ROBO2: variants seen among roughly 807,000 people sequenced by gnomAD.
ROBO2 encodes the protein roundabout guidance receptor 2.
Under a neutral mutation model 160.8 loss-of-function variants are expected in ROBO2, and 53 were observed. The observed-to-expected ratio is 0.33, with a 90% CI of 0.26 to 0.41. The LOEUF (loss-of-function observed/expected upper bound fraction) is 0.41. ROBO2 is among the 10% of genes least tolerant of loss of function. The pLI is 1.00. For missense variants in ROBO2, 1,577 were observed against 1,722.4 expected (o/e 0.92, Z 1.49); for synonymous variants, 664 against 611.7 (o/e 1.09, Z -1.26).
chr3:77,229,692 C>T lies in ROBO2; in HGVS notation c.388+131352C>T, dbSNP rs190417322. Among the ~76,000 whole-genome samples the T allele has an allele frequency of 5.2e-3, 784 of 151,138 alleles. 5 individuals are homozygous for T. The highest frequency in any genetic ancestry group is 7.5e-3 in the Non-Finnish European group (510 of 67,786). ...AAAAAAAAAAAAGAGAGAGAATGGA[C>T]CAAATTGGACTAGCTCATCATGGTG... On this transcript the variant is annotated intron_variant, in intron 2 of 25. Coordinates refer to ENST00000461745, the Ensembl canonical transcript of ROBO2.
At chr3:76,603,332 C>CAAAAAAAAAAAA (rs61547121) in intron 2 of ROBO2, among the ~76,000 whole-genome samples, 11 of 66,508 alleles carry the variant, frequency 1.7e-4, no homozygotes, top group African/African-American at 3.3e-4. Flanking sequence ...ACTCCATCTC[C>CAAAAAAAAAAAA]AAAAAAAAAA....
rs919388442 is a variant in ROBO2, at chr3:77,479,256, G to T, written c.546+1685G>T. Among the ~76,000 whole-genome samples, 7 of 152,176 alleles carry T rather than the reference G, an allele frequency of 4.6e-5. No individual in the cohort carries two copies. In the South Asian group the frequency reaches 1.5e-3, roughly 32 times the overall value. On this transcript the variant is annotated intron_variant, in intron 3 of 25. Transcript: ENST00000461745. ...ATAAAGTCTCAGATAACAACCCCAAGAAGAATAGTTGAACAGTCTGTCCAG... is the reference window on the plus strand; with the variant it reads ...ATAAAGTCTCAGATAACAACCCCAATAAGAATAGTTGAACAGTCTGTCCAG...
chr3:76,552,552 A>G (rs2083479912), intron 2 of ROBO2, among the ~76,000 whole-genome samples: 2 of 152,238 alleles, frequency 1.3e-5, no homozygotes, highest in African/African-American at 4.8e-5. Context: ...ACAACTAATT[A>G]TTAAACAACT....
chr3:76,868,505 A>G (rs1035974258), intron 2 of ROBO2, among the ~76,000 whole-genome samples: 3 of 152,232 alleles, frequency 2.0e-5, no homozygotes, highest in Non-Finnish European at 4.4e-5. Context: ...ATAAATCACA[A>G]CGTTCTATGT....
intron 2 of ROBO2, among the ~76,000 whole-genome samples, chr3:76,128,451 A>G (rs990627488): frequency 6.6e-6 from 1 of 152,162 alleles, no homozygotes; most frequent in Non-Finnish European, 1.5e-5. Context: ...ATATTAATTT[A>G]TAGTAACTGT....
At chr3:77,430,659 A>G (rs983520317) in intron 2 of ROBO2, among the ~76,000 whole-genome samples, 2 of 151,976 alleles carry the variant, frequency 1.3e-5, no homozygotes, top group East Asian at 1.9e-4. Flanking sequence ...TCCTTCCACT[A>G]CAGGAGGGCA....
intron 25 of ROBO2, 103 bp downstream of exon 27, chr3:77,645,007 C>T: frequency 8.1e-7 from 1 of 1,230,070 alleles, no homozygotes; most frequent in Non-Finnish European, 1.2e-6. Flanking sequence ...AAAACTTGCT[C>T]TGTTACAAAA....
intron 5 of ROBO2, among the ~76,000 whole-genome samples, chr3:77,505,802 G>A (rs562224991): frequency 6.6e-6 from 1 of 152,044 alleles, no homozygotes; most frequent in Non-Finnish European, 1.5e-5. Context: ...AATCTGAGGG[G>A]CAAATATAAA....
chr3:76,321,120 C>A (rs1182242479), intron 2 of ROBO2, among the ~76,000 whole-genome samples: 1 of 152,070 alleles, frequency 6.6e-6, no homozygotes, highest in Non-Finnish European at 1.5e-5. Flanking sequence ...CAATGCATGA[C>A]CTGTAAATTA....
At chr3:76,444,039 C>T (rs980651436) in intron 2 of ROBO2, among the ~76,000 whole-genome samples, 1 of 152,218 alleles carries the variant, frequency 6.6e-6, no homozygotes. Context: ...AATCTTGGCT[C>T]ACTGCAACCT....
intron 2 of ROBO2, among the ~76,000 whole-genome samples, chr3:75,953,387 C>A (rs1241981234): frequency 6.6e-6 from 1 of 151,866 alleles, no homozygotes; most frequent in East Asian, 1.9e-4. Context: ...CCATATTTGA[C>A]AGCTGTATTT....
intron 2 of ROBO2, among the ~76,000 whole-genome samples, chr3:76,646,822 T>A (rs966612648): frequency 6.6e-6 from 1 of 152,242 alleles, no homozygotes; most frequent in South Asian, 2.1e-4. Context: ...TTTTAATATT[T>A]AAAAAACTGT....
At chr3:76,124,690 G>T (rs2070896458) in intron 2 of ROBO2, among the ~76,000 whole-genome samples, 1 of 151,958 alleles carries the variant, frequency 6.6e-6, no homozygotes, top group East Asian at 1.9e-4. Flanking sequence ...ATTCAATAAA[G>T]TTACAATGAA....
At chr3:76,593,442 G>A (rs2086545443) in intron 2 of ROBO2, among the ~76,000 whole-genome samples, 2 of 152,054 alleles carry the variant, frequency 1.3e-5, no homozygotes, top group Admixed American at 6.6e-5. Flanking sequence ...GCATCTGCAA[G>A]AAATTGGAAG....
intron 2 of ROBO2, among the ~76,000 whole-genome samples, chr3:76,049,861 T>C (rs1161043489): frequency 6.6e-6 from 1 of 152,112 alleles, no homozygotes; most frequent in Non-Finnish European, 1.5e-5. Context: ...GGTAGTCTTC[T>C]GTATTTTTGC....
intron 2 of ROBO2, among the ~76,000 whole-genome samples, chr3:76,072,058 TA>T (rs2068476653): frequency 1.3e-5 from 2 of 152,102 alleles, no homozygotes; most frequent in South Asian, 4.1e-4. Context: ...GTTTAGGACA[TA>T]AAAAAATGAT....
At chr3:77,375,828 C>T (rs1581458014) in intron 2 of ROBO2, among the ~76,000 whole-genome samples, 2 of 149,338 alleles carry the variant, frequency 1.3e-5, no homozygotes, top group African/African-American at 4.8e-5. Context: ...CACACTTTCT[C>T]ACCCTTCAGC....
chr3:76,153,953 A>G (rs1238816741), intron 2 of ROBO2, among the ~76,000 whole-genome samples: 1 of 152,152 alleles, frequency 6.6e-6, no homozygotes, highest in Non-Finnish European at 1.5e-5. Context: ...CTTCGAGCCT[A>G]TAACGTATTT....
chr3:76,671,301 A>G (rs2092254858), intron 2 of ROBO2, among the ~76,000 whole-genome samples: 1 of 152,142 alleles, frequency 6.6e-6, no homozygotes, highest in Non-Finnish European at 1.5e-5. Flanking sequence ...TCTAAATAGC[A>G]GGTACAGTAC....
Sources: allele counts gnomAD v4.1 joint callset (sites outside exome capture counted in the v4.1 genomes callset), GRCh38; gene constraint gnomAD v4.1.1; transcripts MANE v1.5; gene names NCBI Gene and HGNC (gene_info 2026-07-23, HGNC 2026-07-21).